The following LRRIQ3 variants were observed in gnomAD, a reference collection of about 807,000 sequenced individuals.
LRRIQ3 encodes the protein leucine-rich repeat and IQ domain-containing protein 3.
A neutral mutation model predicts 59.3 loss-of-function variants in LRRIQ3; 75 were observed. That is an observed-to-expected ratio of 1.26 (90% CI 1.05 to 1.53). LRRIQ3 has a LOEUF of 1.53. LRRIQ3 is among the 40% of genes most tolerant of loss of function. The pLI is 0.00. For synonymous variants in LRRIQ3, 250 were observed against 231.3 expected (o/e 1.08, Z -0.73); for missense variants, 831 against 710.0 (o/e 1.17, Z -1.94).
At position 74,041,750 on chromosome 1, in the gene LRRIQ3, A is replaced by G. The variant is rs770852120; in HGVS notation, c.1181T>C (p.Ile394Thr). ...CCGCTCCAATCGTATGTCTTTTTTAATGATTGGCTTTGGATGAGTAGTATA... is the reference window on the plus strand; with the variant it reads ...CCGCTCCAATCGTATGTCTTTTTTAGTGATTGGCTTTGGATGAGTAGTATA... ...PIYTTHPKPIIKKDIRLERSM... is the reference protein window; with the variant it reads ...PIYTTHPKPITKKDIRLERSM... The change falls in exon 7 of 8, where the codon ATT becomes ACT. Residue 394 changes from isoleucine (I) to threonine (T), a missense_variant. Physicochemically the swap from Ile to Thr is moderately conservative, Grantham distance 89 (BLOSUM62 -1). Coordinates refer to ENST00000354431, the MANE Select transcript of LRRIQ3 (RefSeq NM_001105659.2). The G allele has an allele frequency of 1.2e-6, 2 of 1,613,658 alleles. No homozygotes were observed. Among genetic ancestry groups the G allele is most frequent in the South Asian group, 2.2e-5 (2 of 91,050 alleles).
chr1:74,108,242 T>C (rs1052482685), intron 5 of LRRIQ3, among the ~76,000 whole-genome samples: 1 of 151,796 alleles, frequency 6.6e-6, no homozygotes, highest in Non-Finnish European at 1.5e-5. Flanking sequence ...CTGTATAAAG[T>C]ATGTAAAAAA....
At chr1:74,160,703 T>C (rs1190883236) in intron 3 of LRRIQ3, among the ~76,000 whole-genome samples, 2 of 152,094 alleles carry the variant, frequency 1.3e-5, no homozygotes, top group African/African-American at 4.8e-5. Flanking sequence ...ATTTCAGTTA[T>C]GTGGCTGAGT....
At chr1:74,067,727 A>G (rs1654908796) in intron 6 of LRRIQ3, among the ~76,000 whole-genome samples, 1 of 152,038 alleles carries the variant, frequency 6.6e-6, no homozygotes, top group South Asian at 2.1e-4. Flanking sequence ...ATAAATCTGG[A>G]ATAATATACG....
chr1:74,149,199 A>G (rs1647768964), intron 4 of LRRIQ3, among the ~76,000 whole-genome samples: 1 of 152,176 alleles, frequency 6.6e-6, no homozygotes, highest in Non-Finnish European at 1.5e-5. Flanking sequence ...GATCTCTCAA[A>G]ATAATATGTA....
chr1:74,051,852 C>G (rs965080297), intron 6 of LRRIQ3, among the ~76,000 whole-genome samples: 2 of 152,034 alleles, frequency 1.3e-5, no homozygotes, highest in African/African-American at 4.8e-5. Context: ...TTTGCCTTCG[C>G]CACTCCACTC....
In LRRIQ3 at chr1:74,032,510, A is replaced by G. The variant is rs188323957; in HGVS notation, c.1719-5541T>C. ...AGTGGTTGTTGTCAGAATTAATTTTATCATCACTCTTTCCCTGTGCTTCCC... is the reference window on the plus strand; with the variant it reads ...AGTGGTTGTTGTCAGAATTAATTTTGTCATCACTCTTTCCCTGTGCTTCCC... On this transcript the variant is annotated intron_variant, in intron 7 of 7. Transcript: ENST00000354431. Among the ~76,000 whole-genome samples, 4 of 151,966 alleles carry G rather than the reference A, an allele frequency of 2.6e-5. No homozygotes were observed. In the East Asian group the frequency reaches 7.7e-4, roughly 29 times the overall value.
Position 74,182,639 on chromosome 1 carries a change from CAT to C in LRRIQ3, c.470_471del (p.His157ArgfsTer4), listed in dbSNP as rs777603999. 47 of 1,610,444 alleles carry C rather than the reference CAT, an allele frequency of 2.9e-5. No homozygotes were observed. Among genetic ancestry groups the C allele is most frequent in the Admixed American group, 6.7e-5 (4 of 59,648 alleles). On this transcript the variant is annotated frameshift_variant, in exon 3 of 8. Coordinates refer to ENST00000354431, the MANE Select transcript of LRRIQ3 (RefSeq NM_001105659.2). LOFTEE classifies it high-confidence loss of function. ...TGAATTATTTCTTCATCAGAAATCA[CAT>C]GATGATCCAGCGCTTTGAGAGGCCA... is the stretch of plus-strand genomic sequence containing the variant. ...SIWPLKALDH[H>X]VISDEEIIQN...
intron 5 of LRRIQ3, among the ~76,000 whole-genome samples, chr1:74,100,082 A>C (rs1334679079): frequency 6.6e-6 from 1 of 152,140 alleles, no homozygotes; most frequent in Non-Finnish European, 1.5e-5. Context: ...GAAAGAAATA[A>C]AGGGTATTCA....
intron 4 of LRRIQ3, among the ~76,000 whole-genome samples, chr1:74,110,288 G>A (rs986682218): frequency 6.6e-6 from 1 of 151,774 alleles, no homozygotes; most frequent in Non-Finnish European, 1.5e-5. Flanking sequence ...GCAATAAAAA[G>A]AAAACCATAG....
At chr1:74,133,864 A>G (rs1419153242) in intron 4 of LRRIQ3, among the ~76,000 whole-genome samples, 2 of 149,838 alleles carry the variant, frequency 1.3e-5, no homozygotes, top group Non-Finnish European at 2.9e-5. Context: ...GTATAATAAT[A>G]AAAAAAAGAC....
intron 6 of LRRIQ3, among the ~76,000 whole-genome samples, chr1:74,061,033 G>A (rs1374872194): frequency 6.6e-6 from 1 of 152,106 alleles, no homozygotes; most frequent in African/African-American, 2.4e-5. Context: ...AGGGAAAGCT[G>A]CTTAGAGAGG....
chr1:74,057,082 T>C (rs538229091), intron 6 of LRRIQ3, among the ~76,000 whole-genome samples: 1 of 152,312 alleles, frequency 6.6e-6, no homozygotes, highest in Non-Finnish European at 1.5e-5. Flanking sequence ...TAAACCTCTT[T>C]TGTTTATAGA....
At chr1:74,129,675 C>A (rs910629705) in intron 4 of LRRIQ3, among the ~76,000 whole-genome samples, 3 of 151,990 alleles carry the variant, frequency 2.0e-5, no homozygotes, top group Non-Finnish European at 2.9e-5. Context: ...GCCACCACAG[C>A]TGGAAATGTG....
rs1570304128 is a variant in LRRIQ3, at chr1:74,198,012, C to A, written c.-17G>T. 8.3e-6 allele frequency: 5 copies of A among 599,450 alleles called. No homozygotes were observed. Among genetic ancestry groups the A allele is most frequent in the Admixed American group, 3.4e-5 (1 of 29,616 alleles). The allele number at this position is 599,450 out of a possible 1,614,324, so 37.1% of individuals were successfully genotyped here. ...ACCACTCACCGGGTCAACTGGGCTG[C>A]AAGCCCTTATGAGTTGGAGACAAGT... On this transcript the variant is annotated 5_prime_UTR_variant, in exon 1 of 8. Transcript: ENST00000354431.
chr1:74,113,791 CT>C (rs1463287494), intron 4 of LRRIQ3, among the ~76,000 whole-genome samples: 4 of 152,066 alleles, frequency 2.6e-5, no homozygotes, highest in African/African-American at 9.6e-5. Context: ...AGGAAGTTCT[CT>C]TTAGGCTGAA....
chr1:74,190,475 G>A (rs926306419), intron 1 of LRRIQ3, among the ~76,000 whole-genome samples: 16 of 145,978 alleles, frequency 1.1e-4, no homozygotes, highest in Non-Finnish European at 6.0e-5. Flanking sequence ...AAACCAAAGA[G>A]AAAAAAAAAG....
intron 4 of LRRIQ3, among the ~76,000 whole-genome samples, chr1:74,154,610 T>C (rs141429028): frequency 6.6e-4 from 101 of 152,296 alleles, no homozygotes; most frequent in African/African-American, 2.4e-3. Context: ...ACCTTCATTC[T>C]ACCAGAGAAA....
chr1:74,147,665 G>A (rs565557758), intron 4 of LRRIQ3, among the ~76,000 whole-genome samples: 18 of 152,098 alleles, frequency 1.2e-4, no homozygotes, highest in Non-Finnish European at 2.2e-4. Context: ...TTAGTCTGAG[G>A]GGGATTTCCT....
chr1:74,121,705 A>G (rs1291851657), intron 4 of LRRIQ3, among the ~76,000 whole-genome samples: 1 of 150,960 alleles, frequency 6.6e-6, no homozygotes, highest in Non-Finnish European at 1.5e-5. Flanking sequence ...TTAACATTAC[A>G]TATATCTCCA....
Sources: allele counts gnomAD v4.1 joint callset (sites outside exome capture counted in the v4.1 genomes callset), GRCh38; gene constraint gnomAD v4.1.1; transcripts MANE v1.5; gene names NCBI Gene and HGNC (gene_info 2026-07-23, HGNC 2026-07-21).